The following EXOC4 variants were observed in gnomAD, a reference collection of about 807,000 sequenced individuals.
The protein encoded by EXOC4 is exocyst complex component 4, also known as SEC8-like 1.
A neutral mutation model predicts 107.2 loss-of-function variants in EXOC4; 71 were observed. The ratio of observed to expected loss-of-function variants is 0.66; its 90% CI spans 0.55 to 0.81. The LOEUF is 0.81. EXOC4 is among the 30% of genes least tolerant of loss of function. EXOC4 has a pLI of 0.00. For missense variants in EXOC4, 1,108 were observed against 1,189.6 expected (o/e 0.93, Z 1.01); for synonymous variants, 456 against 441.2 (o/e 1.03, Z -0.42).
chr7:133,536,433 A>T (rs1158740175), intron 9 of EXOC4, among the ~76,000 whole-genome samples: 3 of 152,146 alleles, frequency 2.0e-5, no homozygotes, highest in African/African-American at 7.2e-5. Flanking sequence ...TGCTCTGATC[A>T]TACAAATAGT....
chr7:133,884,948 A>G (rs1240834425), intron 11 of EXOC4, among the ~76,000 whole-genome samples: 1 of 152,198 alleles, frequency 6.6e-6, no homozygotes, highest in Non-Finnish European at 1.5e-5. Flanking sequence ...GGTGAAGTTA[A>G]GAGTACTATT....
chr7:133,566,447 C>T (rs1355162563), intron 9 of EXOC4, among the ~76,000 whole-genome samples: 1 of 152,110 alleles, frequency 6.6e-6, no homozygotes, highest in Non-Finnish European at 1.5e-5. Context: ...ATACAGTGAG[C>T]ACTTAAGTGC....
chr7:134,003,328 A>T (rs1794571946), intron 15 of EXOC4, among the ~76,000 whole-genome samples: 1 of 152,090 alleles, frequency 6.6e-6, no homozygotes. Flanking sequence ...GGACACAGGG[A>T]ATTTTGGAGG....
chr7:133,658,886 G>A (rs527811805), intron 10 of EXOC4, among the ~76,000 whole-genome samples: 1 of 150,020 alleles, frequency 6.7e-6, no homozygotes, highest in African/African-American at 2.4e-5. Flanking sequence ...TGTTGATATT[G>A]TTGCAAATGA....
At chr7:133,864,041 T>C (rs1207716372) in intron 11 of EXOC4, among the ~76,000 whole-genome samples, 2 of 152,180 alleles carry the variant, frequency 1.3e-5, no homozygotes, top group Non-Finnish European at 2.9e-5. Context: ...GTTCTTCTTT[T>C]GTTGATTGCT....
At chr7:133,842,398 C>T (rs1798040910) in intron 11 of EXOC4, among the ~76,000 whole-genome samples, 1 of 152,096 alleles carries the variant, frequency 6.6e-6, no homozygotes, top group Non-Finnish European at 1.5e-5. Flanking sequence ...CTTTAATGAT[C>T]AGTTGTGCTT....
intron 7 of EXOC4, among the ~76,000 whole-genome samples, chr7:133,410,869 T>C (rs1388359777): frequency 5.9e-5 from 9 of 152,210 alleles, no homozygotes. Context: ...GAAGATATCA[T>C]TGATGTATCA....
intron 17 of EXOC4, among the ~76,000 whole-genome samples, chr7:134,013,935 G>A (rs567702429): frequency 3.5e-4 from 54 of 152,116 alleles, no homozygotes; most frequent in Admixed American, 5.9e-4. Context: ...CTCATTTGCC[G>A]CTGGTAGAAA....
intron 10 of EXOC4, among the ~76,000 whole-genome samples, chr7:133,647,286 A>T (rs1479946728): frequency 6.6e-6 from 1 of 152,198 alleles, no homozygotes; most frequent in Non-Finnish European, 1.5e-5. Flanking sequence ...GTAAGGGTAC[A>T]TTCTGGGTCA....
intron 9 of EXOC4, among the ~76,000 whole-genome samples, chr7:133,611,090 C>G (rs10227222): frequency 4.6e-5 from 7 of 151,366 alleles, no homozygotes; most frequent in Non-Finnish European, 5.9e-5. Flanking sequence ...GGCATGAGCC[C>G]TCATGCCTGG....
At chr7:133,885,544 T>G (rs950611892) in intron 11 of EXOC4, among the ~76,000 whole-genome samples, 7 of 152,158 alleles carry the variant, frequency 4.6e-5, no homozygotes, top group African/African-American at 1.7e-4. Flanking sequence ...TCAACAGGAA[T>G]TAGCAGCCTA....
chr7:133,929,444 C>T (rs1800126433), intron 13 of EXOC4, among the ~76,000 whole-genome samples: 1 of 151,466 alleles, frequency 6.6e-6, no homozygotes, highest in South Asian at 2.1e-4. Flanking sequence ...CTACTGCTCC[C>T]AAATACACTG....
intron 10 of EXOC4, among the ~76,000 whole-genome samples, chr7:133,756,469 A>C (rs922911215): frequency 3.9e-5 from 6 of 152,214 alleles, no homozygotes; most frequent in African/African-American, 1.4e-4. Flanking sequence ...AGCTGTAACT[A>C]GTCTGTGACT....
chr7:133,316,563 G>T (rs1462330278), intron 4 of EXOC4, among the ~76,000 whole-genome samples: 1 of 152,066 alleles, frequency 6.6e-6, no homozygotes, highest in African/African-American at 2.4e-5. Flanking sequence ...TGGAAATTTT[G>T]TTTTTTATAG....
chr7:133,853,457 G>C (rs1053858944), intron 11 of EXOC4, among the ~76,000 whole-genome samples: 1 of 151,294 alleles, frequency 6.6e-6, no homozygotes, highest in African/African-American at 2.4e-5. Flanking sequence ...TCTTGAACTT[G>C]TAGGCTCAAG....
intron 11 of EXOC4, among the ~76,000 whole-genome samples, chr7:133,847,875 ATTTTTTTTT>A (rs55923568): frequency 1.4e-4 from 12 of 85,034 alleles, no homozygotes; most frequent in South Asian, 3.6e-4. Flanking sequence ...TGCCCAGCTA[ATTTTTTTTT>A]TTTTTTTTTT....
intron 14 of EXOC4, among the ~76,000 whole-genome samples, chr7:133,967,527 G>T (rs529572141): frequency 6.6e-6 from 1 of 152,274 alleles, no homozygotes; most frequent in East Asian, 1.9e-4. Context: ...GGTATGTTGT[G>T]TCTTTGTTCT....
chr7:133,690,848 T>TG (rs1234153707), intron 10 of EXOC4, among the ~76,000 whole-genome samples: 5 of 151,986 alleles, frequency 3.3e-5, no homozygotes, highest in African/African-American at 1.2e-4. Flanking sequence ...ACTAGGAATA[T>TG]GGGGGAAACT....
At chr7:133,465,294 T>G (rs1428740569) in intron 7 of EXOC4, among the ~76,000 whole-genome samples, 1 of 152,210 alleles carries the variant, frequency 6.6e-6, no homozygotes, top group South Asian at 2.1e-4. Flanking sequence ...TTGAGACCAT[T>G]TTTGTGCCAT....
Sources: gnomAD v4.1 joint callset for allele counts (sites outside exome capture counted in the v4.1 genomes callset) on GRCh38, gnomAD v4.1.1 for gene constraint, MANE v1.5 for transcripts, NCBI Gene and HGNC (gene_info 2026-07-23, HGNC 2026-07-21) for gene names.